The following ASB5 variants were observed in gnomAD, a reference collection of about 807,000 sequenced individuals.
The protein encoded by ASB5 is ankyrin repeat and SOCS box containing 5, also known as ankyrin repeat and SOCS box protein 5.
ASB5 carries 45 observed loss-of-function variants against 42.1 expected under a neutral mutation model. That is an observed-to-expected ratio of 1.07 (90% CI 0.84 to 1.37). The LOEUF (loss-of-function observed/expected upper bound fraction) is 1.37. ASB5 is among the 40% of genes most tolerant of loss of function. The pLI is 0.00. For missense variants in ASB5, 402 were observed against 399.8 expected (o/e 1.01, Z -0.05); for synonymous variants, 147 against 150.6 (o/e 0.98, Z 0.18).
intron 1 of ASB5, among the ~76,000 whole-genome samples, chr4:176,254,774 A>G (rs1231976824): frequency 6.6e-6 from 1 of 152,226 alleles, no homozygotes; most frequent in Non-Finnish European, 1.5e-5. Context: ...GAAGACATAC[A>G]AGTGACCAAC....
chr4:176,245,790 C>T (rs1275845383), intron 1 of ASB5, among the ~76,000 whole-genome samples: 8 of 151,984 alleles, frequency 5.3e-5, no homozygotes, highest in Non-Finnish European at 5.9e-5. Context: ...AGCAAACTAT[C>T]GCAAGGACAG....
rs35698542 is a variant in ASB5, at chr4:176,221,460, G to T, written c.525C>A (p.Ala175=). 3 of 1,613,146 alleles carry T rather than the reference G, an allele frequency of 1.9e-6. No homozygotes were observed. Among genetic ancestry groups the T allele is most frequent in the Non-Finnish European group, 2.5e-6 (3 of 1,179,764 alleles). The change falls in exon 4 of 7, where the codon GCC becomes GCA. Residue 175 remains alanine, a synonymous_variant. Coordinates refer to ENST00000296525, the MANE Select transcript of ASB5 (RefSeq NM_080874.4). ...CCAGAACTAAGTTACCTTTACTGGC[G>T]GCCTCATGCGTTGGGGATGGAAGAC... ...ESCLPSPTHE[A]ASKGHHECLD...
chr4:176,270,505 CA>C (rs1409200726), upstream of ASB5, among the ~76,000 whole-genome samples: 1 of 151,890 alleles, frequency 6.6e-6, no homozygotes, highest in Non-Finnish European at 1.5e-5. Flanking sequence ...CTTCTTTCCC[CA>C]ATGAATGAAT....
intron 2 of ASB5, among the ~76,000 whole-genome samples, chr4:176,274,958 A>G (rs1754538974): frequency 8.0e-6 from 1 of 125,720 alleles, no homozygotes. Flanking sequence ...TCTGTCGCCC[A>G]GGCTGGAGTG....
chr4:176,248,509 CAG>C (rs1367891238), intron 1 of ASB5, among the ~76,000 whole-genome samples: 1 of 152,100 alleles, frequency 6.6e-6, no homozygotes, highest in African/African-American at 2.4e-5. Flanking sequence ...CATTGGAAAA[CAG>C]GGCAATACTG....
intron 1 of ASB5, among the ~76,000 whole-genome samples, chr4:176,231,192 C>T (rs767397922): frequency 6.6e-6 from 1 of 151,642 alleles, no homozygotes; most frequent in Non-Finnish European, 1.5e-5. Context: ...CGGCACTTCA[C>T]ACCAGCCACT....
chr4:176,267,977 A>G (rs1347159359), intron 1 of ASB5, among the ~76,000 whole-genome samples: 1 of 152,174 alleles, frequency 6.6e-6, no homozygotes, highest in Non-Finnish European at 1.5e-5. Context: ...CTTTTCTTTC[A>G]AGTTTACATG....
At chr4:176,252,482 C>A (rs1754062381) in intron 1 of ASB5, among the ~76,000 whole-genome samples, 1 of 152,212 alleles carries the variant, frequency 6.6e-6, no homozygotes, top group Non-Finnish European at 1.5e-5. Flanking sequence ...TCATTAAGAA[C>A]CTGCCATGTG....
At chr4:176,222,104 T>G (rs573792998) in intron 3 of ASB5, among the ~76,000 whole-genome samples, 1 of 152,212 alleles carries the variant, frequency 6.6e-6, no homozygotes, top group Non-Finnish European at 1.5e-5. Context: ...GAATAGTCTA[T>G]ATTATGATGC....
At chr4:176,272,051 G>T (rs1754478603), upstream of ASB5, among the ~76,000 whole-genome samples, 1 of 152,072 alleles carries the variant, frequency 6.6e-6, no homozygotes, top group South Asian at 2.1e-4. Context: ...CCAGTAAGCT[G>T]CATACATGCT....
chr4:176,253,283 G>A (rs1206134210), intron 1 of ASB5, among the ~76,000 whole-genome samples: 4 of 151,980 alleles, frequency 2.6e-5, no homozygotes, highest in African/African-American at 7.3e-5. Context: ...ATTTCCAAAG[G>A]ACAAAATTCA....
chr4:176,250,592 T>C (rs1243111410), intron 1 of ASB5, among the ~76,000 whole-genome samples: 1 of 152,122 alleles, frequency 6.6e-6, no homozygotes, highest in African/African-American at 2.4e-5. Context: ...ATTTTGCAGA[T>C]AAAGAAACAG....
intron 5 of ASB5, among the ~76,000 whole-genome samples, chr4:176,219,156 G>A (rs188841668): frequency 0.15 from 14,753 of 100,774 alleles, 2,398 homozygotes; most frequent in Admixed American, 0.18. Context: ...ATATATATTT[G>A]TATGACATAT....
chr4:176,232,732 G>T lies in ASB5; in HGVS notation c.197-7391C>A, dbSNP rs576821777. Among the ~76,000 whole-genome samples the T allele has an allele frequency of 1.4e-3, 213 of 152,220 alleles. 2 individuals carry two copies. Among genetic ancestry groups the T allele is most frequent in the South Asian group, 0.011 (55 of 4,818 alleles). ...ATGGTTTCAAGGGAAATAATGTCTG[G>T]CATCTCAATGCATTTCTAAAAGCCA... On this transcript the variant is annotated intron_variant, in intron 1 of 6. Transcript: ENST00000296525.
intron 1 of ASB5, among the ~76,000 whole-genome samples, chr4:176,233,798 G>A (rs1038845116): frequency 1.3e-5 from 2 of 151,978 alleles, no homozygotes; most frequent in Non-Finnish European, 2.9e-5. Context: ...CCCAATTTTA[G>A]GTTTGGCTGT....
chr4:176,219,101 TATATATATATATTTGTATG>T (rs1753088066), intron 5 of ASB5, among the ~76,000 whole-genome samples: 1 of 11,832 alleles, frequency 8.5e-5, no homozygotes, highest in Non-Finnish European at 1.5e-4. Context: ...GATATATAAA[TATATATATATATTTGTATG>T]ATATATATAT....
chr4:176,249,812 T>C (rs1753988561), intron 1 of ASB5, among the ~76,000 whole-genome samples: 2 of 152,004 alleles, frequency 1.3e-5, no homozygotes. Context: ...ACGCCTGTAA[T>C]CCCCGCACTT....
chr4:176,260,701 C>T lies in ASB5; in HGVS notation c.196+8212G>A, dbSNP rs184858194. Among the ~76,000 whole-genome samples, 12 of 152,246 alleles carry T rather than the reference C, an allele frequency of 7.9e-5. No individual in the cohort carries two copies. In the East Asian group the frequency reaches 1.5e-3, roughly 20 times the overall value. ...GTTTGTTTGTTTTGTTTTTTTGAGACGGAGTCTAGCTCTGTTGCCAGGCTA... is the reference window on the plus strand; with the variant it reads ...GTTTGTTTGTTTTGTTTTTTTGAGATGGAGTCTAGCTCTGTTGCCAGGCTA... On this transcript the variant is annotated intron_variant, in intron 1 of 6. Coordinates refer to ENST00000296525, the MANE Select transcript of ASB5 (RefSeq NM_080874.4).
intron 5 of ASB5, among the ~76,000 whole-genome samples, chr4:176,219,769 G>T (rs903016610): frequency 6.6e-6 from 1 of 150,976 alleles, no homozygotes. Flanking sequence ...GTTTCACTAT[G>T]TTGGCCAGGC....
Sources: gnomAD v4.1 joint callset for allele counts (sites outside exome capture counted in the v4.1 genomes callset) on GRCh38, gnomAD v4.1.1 for gene constraint, MANE v1.5 for transcripts, NCBI Gene and HGNC (gene_info 2026-07-23, HGNC 2026-07-21) for gene names.